TUSC3: variants seen among roughly 807,000 people sequenced by gnomAD.
The protein encoded by TUSC3 is tumor suppressor candidate 3.
Under a neutral mutation model 44.8 loss-of-function variants are expected in TUSC3, and 45 were observed. The observed-to-expected ratio is 1.00, with a 90% confidence interval of 0.79 to 1.29. The LOEUF (loss-of-function observed/expected upper bound fraction) is 1.29, where lower values mean the gene tolerates loss of function less well. Among genes scored for constraint, TUSC3 ranks in the 50% most tolerant of loss-of-function variants. The pLI, the probability that TUSC3 is intolerant of heterozygous loss-of-function variation, is 0.00. For missense variants in TUSC3, 519 were observed against 437.9 expected (o/e 1.19, Z -1.65); for synonymous variants, 212 against 152.9 (o/e 1.39, Z -2.85).
chr8:15,845,735 A>C, the TUSC3 span, among the ~76,000 whole-genome samples: 1 of 152,112 alleles, frequency 6.6e-6, no homozygotes, highest in Non-Finnish European at 1.5e-5. Flanking sequence ...AATAGCCACA[A>C]GCCCTCTACT....
At chr8:15,724,356 C>T (rs1377351975) in intron 6 of TUSC3, among the ~76,000 whole-genome samples, 3 of 152,068 alleles carry the variant, frequency 2.0e-5, no homozygotes, top group Non-Finnish European at 4.4e-5. Flanking sequence ...CTGTCATGCA[C>T]AGAAAAGCAG....
chr8:15,745,123 G>A (rs143854191), intron 8 of TUSC3, among the ~76,000 whole-genome samples: 8 of 151,888 alleles, frequency 5.3e-5, no homozygotes, highest in African/African-American at 1.9e-4. Flanking sequence ...AGATGATTTT[G>A]TTCTTTTTGG....
At chr8:15,554,932 A>T (rs1323771766) in intron 1 of TUSC3, among the ~76,000 whole-genome samples, 1 of 151,186 alleles carries the variant, frequency 6.6e-6, no homozygotes, top group Non-Finnish European at 1.5e-5. Flanking sequence ...TTAAATAGCT[A>T]CTGTGGAAAT....
At chr8:15,478,113 T>G (rs1409362860) in intron 1 of TUSC3, among the ~76,000 whole-genome samples, 1 of 151,858 alleles carries the variant, frequency 6.6e-6, no homozygotes, top group African/African-American at 2.4e-5. Context: ...TGCACCACCA[T>G]GCCCAGCTAA....
chr8:15,573,084 T>C (rs1299136192), intron 1 of TUSC3, among the ~76,000 whole-genome samples: 1 of 151,468 alleles, frequency 6.6e-6, no homozygotes, highest in African/African-American at 2.4e-5. Context: ...AAAAAATGCC[T>C]TATCTGTGAA....
intron 2 of TUSC3, among the ~76,000 whole-genome samples, chr8:15,649,440 C>A (rs866914744): frequency 3.3e-5 from 5 of 151,948 alleles, no homozygotes; most frequent in Non-Finnish European, 7.4e-5. Context: ...AAAAATTAGC[C>A]GGGCTTGGTG....
the TUSC3 span, among the ~76,000 whole-genome samples, chr8:15,779,745 C>T: frequency 6.6e-6 from 1 of 152,132 alleles, no homozygotes; most frequent in African/African-American, 2.4e-5. Flanking sequence ...TAAAAGTCAT[C>T]ATTATATGTT....
At chr8:15,484,761 C>T (rs1800713514) in intron 2 of TUSC3, among the ~76,000 whole-genome samples, 1 of 152,154 alleles carries the variant, frequency 6.6e-6, no homozygotes, top group South Asian at 2.1e-4. Context: ...TTTTAATATT[C>T]AGAGGGGACA....
rs577651981 is a variant in TUSC3, at chr8:15,691,201, G to T, written c.798+17365G>T. Among the ~76,000 whole-genome samples the T allele has an allele frequency of 6.6e-5, 10 of 151,904 alleles. No homozygotes were observed. The East Asian group carries it at 1.9e-3, about 30-fold the overall frequency. On this transcript the variant is annotated intron_variant, in intron 6 of 10. Transcript: ENST00000503731. Reference sequence around the variant, plus strand: ...TCTTTGAACAACATTTTATAATTATGAAATATTTCAGAGGTCTTTTACCTC... The same window carrying T: ...TCTTTGAACAACATTTTATAATTATTAAATATTTCAGAGGTCTTTTACCTC...
At chr8:15,572,551 A>G (rs1011504513) in intron 1 of TUSC3, among the ~76,000 whole-genome samples, 9 of 152,180 alleles carry the variant, frequency 5.9e-5, no homozygotes, top group African/African-American at 9.6e-5. Context: ...CCTTGAAAAC[A>G]TTGCATTTGC....
chr8:15,661,381 A>C (rs1281012596), intron 4 of TUSC3, among the ~76,000 whole-genome samples: 1 of 151,966 alleles, frequency 6.6e-6, no homozygotes, highest in Non-Finnish European at 1.5e-5. Context: ...TTTTCTCTTT[A>C]AAAACATTGA....
At chr8:15,499,059 C>G (rs1350940499) in intron 2 of TUSC3, among the ~76,000 whole-genome samples, 1 of 151,664 alleles carries the variant, frequency 6.6e-6, no homozygotes, top group Non-Finnish European at 1.5e-5. Context: ...CCATTCTTCT[C>G]CAACTTGCCC....
chr8:15,500,208 G>C (rs2129126827), intron 2 of TUSC3, among the ~76,000 whole-genome samples: 1 of 152,304 alleles, frequency 6.6e-6, no homozygotes, highest in South Asian at 2.1e-4. Context: ...GCCTCTGGTG[G>C]TGGCTGAAAG....
chr8:15,504,628 T>G (rs1356262497), intron 2 of TUSC3, among the ~76,000 whole-genome samples: 1 of 88,228 alleles, frequency 1.1e-5, no homozygotes, highest in African/African-American at 4.8e-5. Flanking sequence ...TATATTTTTT[T>G]TTTTTTTTTT....
chr8:15,746,600 G>C (rs1241763279), intron 8 of TUSC3, among the ~76,000 whole-genome samples: 1 of 151,890 alleles, frequency 6.6e-6, no homozygotes, highest in Non-Finnish European at 1.5e-5. Flanking sequence ...GCATTATTTT[G>C]TTCCACTGCA....
chr8:15,546,677 A>C (rs1052539630), intron 1 of TUSC3, among the ~76,000 whole-genome samples: 2 of 151,522 alleles, frequency 1.3e-5, no homozygotes, highest in African/African-American at 4.8e-5. Flanking sequence ...CTGGGATTAC[A>C]GGCATACGCC....
chr8:15,806,256 G>A, the TUSC3 span: 2 of 586,080 alleles, frequency 3.4e-6, no homozygotes, highest in South Asian at 1.7e-5. Flanking sequence ...TTCACCTCCA[G>A]GTGGCAGTCT....
the TUSC3 span, among the ~76,000 whole-genome samples, chr8:15,820,283 A>T: frequency 6.8e-6 from 1 of 146,284 alleles, no homozygotes. Context: ...CTGCCTGTAT[A>T]TTCATGAAAG....
upstream of TUSC3, chr8:15,540,251 G>T (rs1004747759): frequency 1.2e-6 from 1 of 861,562 alleles, no homozygotes; most frequent in Non-Finnish European, 1.6e-6. Context: ...CCGGTGAACC[G>T]GATGCTCTGT....
Sources: gnomAD v4.1 joint callset for allele counts (sites outside exome capture counted in the v4.1 genomes callset) on GRCh38, gnomAD v4.1.1 for gene constraint, MANE v1.5 for transcripts, NCBI Gene and HGNC (gene_info 2026-07-23, HGNC 2026-07-21) for gene names.